TAF1B: variants seen among roughly 807,000 people sequenced by gnomAD.
TAF1B encodes TATA box-binding protein-associated factor RNA polymerase I subunit B.
TAF1B carries 61 observed loss-of-function variants against 83.9 expected under a neutral mutation model. That is an observed-to-expected ratio of 0.73 (90% CI 0.59 to 0.90). TAF1B has a LOEUF of 0.90. Ranked by LOEUF, TAF1B falls within the 40% of genes least tolerant of loss-of-function variation. TAF1B has a pLI of 0.00. For synonymous variants in TAF1B, 221 were observed against 224.6 expected, an observed-to-expected ratio of 0.98 and a Z score of 0.14; for missense variants, 625 against 677.0, an observed-to-expected ratio of 0.92 and a Z score of 0.85.
intron 2 of TAF1B, among the ~76,000 whole-genome samples, chr2:9,848,556 C>T (rs866257111): frequency 6.6e-6 from 1 of 152,094 alleles, no homozygotes; most frequent in Non-Finnish European, 1.5e-5. Flanking sequence ...ATCCCAGCTG[C>T]TCAGGAGGCT....
At chr2:9,843,738 G>A (rs1663103234) in intron 1 of TAF1B, 179 bp downstream of exon 1, 2 of 627,518 alleles carry the variant, frequency 3.2e-6, no homozygotes, top group South Asian at 4.6e-5. Flanking sequence ...TGCGCGCGCG[G>A]CTTTGGTAAA....
intron 5 of TAF1B, among the ~76,000 whole-genome samples, chr2:9,866,104 A>G (rs554522271): frequency 1.3e-5 from 2 of 150,514 alleles, no homozygotes; most frequent in African/African-American, 4.8e-5. Flanking sequence ...ATTAAACTAA[A>G]GAGCTTCTGC....
intron 7 of TAF1B, among the ~76,000 whole-genome samples, chr2:9,877,106 A>G (rs1181269198): frequency 2.6e-5 from 4 of 152,184 alleles, no homozygotes. Flanking sequence ...TATTAATTTA[A>G]AAACCTGATC....
At chr2:9,858,974 C>A (rs1663659353) in intron 5 of TAF1B, among the ~76,000 whole-genome samples, 1 of 152,216 alleles carries the variant, frequency 6.6e-6, no homozygotes, top group Non-Finnish European at 1.5e-5. Flanking sequence ...AACATTCACT[C>A]CTCATTACTA....
chr2:9,887,799 T>C (rs1664727096), intron 8 of TAF1B, among the ~76,000 whole-genome samples: 1 of 152,140 alleles, frequency 6.6e-6, no homozygotes, highest in South Asian at 2.1e-4. Flanking sequence ...GTTTTTTCTT[T>C]TTTTCTTCTT....
chr2:9,865,070 G>A (rs1663925219), intron 5 of TAF1B, among the ~76,000 whole-genome samples: 1 of 152,188 alleles, frequency 6.6e-6, no homozygotes, highest in East Asian at 1.9e-4. Flanking sequence ...ATTGAACATA[G>A]TGTTGGAAGT....
intron 8 of TAF1B, among the ~76,000 whole-genome samples, chr2:9,893,056 C>T (rs1664918094): frequency 6.6e-6 from 1 of 152,082 alleles, no homozygotes; most frequent in Non-Finnish European, 1.5e-5. Context: ...AACCACTGCA[C>T]TTTGCTTTTT....
chr2:9,901,182 A>T (rs1665167492), intron 8 of TAF1B, among the ~76,000 whole-genome samples: 1 of 152,204 alleles, frequency 6.6e-6, no homozygotes, highest in African/African-American at 2.4e-5. Flanking sequence ...AGAAAATGGG[A>T]TAGGATTGAA....
chr2:9,878,541 A>G (rs1012423711), intron 7 of TAF1B, among the ~76,000 whole-genome samples: 3 of 152,342 alleles, frequency 2.0e-5, no homozygotes, highest in Non-Finnish European at 4.4e-5. Flanking sequence ...TAAGTCCTCT[A>G]GCAGCATCCA....
chr2:9,866,095 TTAAAC>T (rs1372102706), intron 5 of TAF1B, among the ~76,000 whole-genome samples: 2 of 150,288 alleles, frequency 1.3e-5, no homozygotes, highest in Non-Finnish European at 3.0e-5. Context: ...TGGGATCTAA[TTAAAC>T]TAAAGAGCTT....
intron 7 of TAF1B, 34 bp from the exon 8 acceptor site, chr2:9,882,672 C>A: frequency 6.7e-7 from 1 of 1,487,134 alleles, no homozygotes; most frequent in Non-Finnish European, 9.2e-7. Flanking sequence ...CAGTATATAA[C>A]TCTCATTAAA....
At chr2:9,852,207 C>A (rs1422132861) in intron 4 of TAF1B, 1 of 288,924 alleles carries the variant, frequency 3.5e-6, no homozygotes, top group East Asian at 9.4e-5. Flanking sequence ...GCATTTCTAA[C>A]AAGTTCTTAT....
chr2:9,865,626 A>G (rs1335009429), intron 5 of TAF1B, among the ~76,000 whole-genome samples: 2 of 152,210 alleles, frequency 1.3e-5, no homozygotes, highest in Non-Finnish European at 2.9e-5. Flanking sequence ...CCTCATTGCC[A>G]AGTCAATCCT....
In TAF1B at chr2:9,852,154, C is replaced by A. The variant is rs145491905; in HGVS notation, c.303+516C>A. The A allele has an allele frequency of 2.1e-3, 829 of 393,384 alleles. 2 individuals are homozygous for A. Among genetic ancestry groups the A allele is most frequent in the Non-Finnish European group, 2.5e-3 (478 of 192,160 alleles). The allele number at this position is 393,384 out of a possible 1,614,324, so 24.4% of individuals were successfully genotyped here. On this transcript the variant is annotated intron_variant, in intron 4 of 14. Transcript: ENST00000263663. ...ACACCAATCACTGGACCTTAATCCC[C>A]GAATTTCTGAGTTAGTATGTCTGGA...
At chr2:9,869,549 G>A (rs1664101265) in intron 6 of TAF1B, among the ~76,000 whole-genome samples, 1 of 151,590 alleles carries the variant, frequency 6.6e-6, no homozygotes, top group Non-Finnish European at 1.5e-5. Context: ...AATAAATGAT[G>A]ATCCCTAGAG....
intron 6 of TAF1B, among the ~76,000 whole-genome samples, chr2:9,871,606 T>A (rs1664170094): frequency 6.6e-6 from 1 of 152,202 alleles, no homozygotes; most frequent in Admixed American, 6.5e-5. Flanking sequence ...AGATAGCTAT[T>A]CTTACTTAAA....
chr2:9,876,265 T>C (rs1232699429), intron 7 of TAF1B, among the ~76,000 whole-genome samples: 9 of 152,230 alleles, frequency 5.9e-5, no homozygotes, highest in Non-Finnish European at 1.3e-4. Context: ...AAATTAATTA[T>C]CTAATATAAT....
chr2:9,900,192 A>G (rs953829841), intron 8 of TAF1B, among the ~76,000 whole-genome samples: 2 of 152,218 alleles, frequency 1.3e-5, no homozygotes, highest in Non-Finnish European at 2.9e-5. Flanking sequence ...AGTGTAAACT[A>G]TTAGAGGGAT....
chr2:9,925,295 C>T (rs1379499151), intron 14 of TAF1B, among the ~76,000 whole-genome samples: 1 of 151,800 alleles, frequency 6.6e-6, no homozygotes, highest in Non-Finnish European at 1.5e-5. Context: ...AAAAAATTAG[C>T]CGGGCATGGT....
Sources: allele counts gnomAD v4.1 joint callset (sites outside exome capture counted in the v4.1 genomes callset), GRCh38; gene constraint gnomAD v4.1.1; transcripts MANE v1.5; gene names NCBI Gene and HGNC (gene_info 2026-07-23, HGNC 2026-07-21).